The following EBAG9 variants were observed in gnomAD, a reference collection of about 807,000 sequenced individuals.
EBAG9 encodes the protein estrogen receptor binding site associated antigen 9.
A neutral mutation model predicts 30.9 loss-of-function variants in EBAG9; 16 were observed. The observed-to-expected ratio is 0.52, with a 90% CI of 0.35 to 0.79. EBAG9 has a LOEUF of 0.79. Ranked by LOEUF, EBAG9 falls within the 30% of genes least tolerant of loss-of-function variation. The pLI is 0.01. For synonymous variants in EBAG9, 93 were observed against 82.8 expected, an observed-to-expected ratio of 1.12 and a Z score of -0.67; for missense variants, 197 against 242.1, an observed-to-expected ratio of 0.81 and a Z score of 1.24.
intron 1 of EBAG9, among the ~76,000 whole-genome samples, chr8:109,549,480 T>G (rs755988507): frequency 6.6e-6 from 1 of 152,022 alleles, no homozygotes. Context: ...CCTAAGTGTT[T>G]TGTAGAATTT....
rs1282620227 is a variant in EBAG9, at chr8:109,549,383, A to G, written c.-15-1427A>G. Among the ~76,000 whole-genome samples the G allele has an allele frequency of 2.0e-5, 3 of 152,152 alleles. No homozygotes were observed. The East Asian group carries it at 5.8e-4, about 29-fold the overall frequency. Reference sequence around the variant, plus strand: ...CTAGTAATATCTTTGGATTAGTATCAGTGTAATACTGGCCTCAAATAATGA... The same window carrying G: ...CTAGTAATATCTTTGGATTAGTATCGGTGTAATACTGGCCTCAAATAATGA... On this transcript the variant is annotated intron_variant, in intron 1 of 6. Transcript: ENST00000337573.
At chr8:109,552,261 TAAAA>T (rs57058526) in intron 2 of EBAG9, among the ~76,000 whole-genome samples, 4 of 147,540 alleles carry the variant, frequency 2.7e-5, no homozygotes, top group Admixed American at 1.3e-4. Context: ...GTCTGGGATT[TAAAA>T]AAAAAAAAAA....
intron 1 of EBAG9, among the ~76,000 whole-genome samples, chr8:109,546,976 TTAAA>T (rs1429859316): frequency 2.0e-5 from 3 of 152,222 alleles, no homozygotes; most frequent in Non-Finnish European, 4.4e-5. Flanking sequence ...TTTGGAGCTA[TTAAA>T]TAAAAATAAA....
chr8:109,555,543 C>T (rs1821581821), intron 4 of EBAG9, among the ~76,000 whole-genome samples: 1 of 152,104 alleles, frequency 6.6e-6, no homozygotes, highest in South Asian at 2.1e-4. Context: ...TTCTAGACTC[C>T]AGTCTCTGCC....
rs1370384529 is a variant in EBAG9, at chr8:109,550,879, T to C, written c.55T>C (p.Phe19Leu). ...FKFCTCLATVFSFLKRLICRS... is the reference protein window; with the variant it reads ...FKFCTCLATVLSFLKRLICRS... ...ATTTTGTACCTGCCTAGCAACAGTATTCTCATTCCTAAAGAGATTAATATG... is the reference window on the plus strand; with the variant it reads ...ATTTTGTACCTGCCTAGCAACAGTACTCTCATTCCTAAAGAGATTAATATG... Residue 19 changes from phenylalanine to leucine, a missense_variant, in exon 2 of 7, where the codon TTC (phenylalanine) becomes CTC (leucine). Coordinates refer to ENST00000337573, the MANE Select transcript of EBAG9 (RefSeq NM_004215.5). The C allele has an allele frequency of 6.3e-7, 1 of 1,595,976 alleles. No individual in the cohort carries two copies. Among genetic ancestry groups the C allele is most frequent in the Admixed American group, 1.7e-5 (1 of 58,966 alleles).
At chr8:109,543,268 C>T (rs1563651985) in intron 1 of EBAG9, among the ~76,000 whole-genome samples, 1 of 144,498 alleles carries the variant, frequency 6.9e-6, no homozygotes, top group Non-Finnish European at 1.5e-5. Flanking sequence ...TCCATATGTA[C>T]AAAACTACTT....
upstream of EBAG9, chr8:109,540,170 C>G (rs1466034438): frequency 6.6e-6 from 1 of 152,432 alleles, no homozygotes; most frequent in Non-Finnish European, 1.5e-5. Context: ...GGGAGCGGGA[C>G]CCAGGCGTGC....
At chr8:109,562,924 C>G (rs940855252) in intron 6 of EBAG9, among the ~76,000 whole-genome samples, 2 of 151,932 alleles carry the variant, frequency 1.3e-5, no homozygotes, top group Admixed American at 6.6e-5. Flanking sequence ...ATTTGGGATG[C>G]TCAGCCCTTA....
At chr8:109,545,654 C>A (rs1470986635) in intron 1 of EBAG9, among the ~76,000 whole-genome samples, 1 of 152,090 alleles carries the variant, frequency 6.6e-6, no homozygotes, top group African/African-American at 2.4e-5. Context: ...TGAGCCACCG[C>A]GCCCAGCATA....
chr8:109,555,168 G>A (rs1176383854), intron 4 of EBAG9, among the ~76,000 whole-genome samples: 1 of 150,190 alleles, frequency 6.7e-6, no homozygotes, highest in East Asian at 2.0e-4. Flanking sequence ...AGTGTATGAT[G>A]TTCCCCTTCC....
Position 109,560,862 on chromosome 8 carries a change from T to C in EBAG9, c.454T>C (p.Trp152Arg). 1 of 1,613,042 alleles carries C rather than the reference T, an allele frequency of 6.2e-7. No homozygotes were observed. The highest frequency in any genetic ancestry group is 8.5e-7 in the Non-Finnish European group (1 of 1,179,414). ...QSSELGDLDT[W>R]QENTNAWEEE... is the part of the protein sequence containing the mutation. The stretch of plus-strand genomic sequence containing the variant: ...GTCTGAATTAGGTGACTTAGATACC[T>C]GGCAGGAAAATACCAATGCATGGGA... The change falls in exon 6 of 7, where the codon TGG (tryptophan) becomes CGG (arginine). Residue 152 changes from tryptophan (W) to arginine (R), a missense_variant. By Grantham distance (101) the Trp-to-Arg change is moderately radical. Transcript: ENST00000337573.
chr8:109,555,511 C>G (rs1029275134), intron 4 of EBAG9, among the ~76,000 whole-genome samples: 1 of 152,112 alleles, frequency 6.6e-6, no homozygotes, highest in Non-Finnish European at 1.5e-5. Context: ...ATATATGTAT[C>G]GAAATCCTAC....
chr8:109,544,380 A>C (rs1386874828), intron 1 of EBAG9, among the ~76,000 whole-genome samples: 1 of 152,198 alleles, frequency 6.6e-6, no homozygotes, highest in Non-Finnish European at 1.5e-5. Context: ...TAATTGTATT[A>C]ATCAAGTGTT....
chr8:109,541,396 G>A (rs1456419240), intron 1 of EBAG9, among the ~76,000 whole-genome samples: 1 of 152,050 alleles, frequency 6.6e-6, no homozygotes, highest in African/African-American at 2.4e-5. Flanking sequence ...TTGGGCTTTC[G>A]GGTCAGTCCC....
intron 1 of EBAG9, 97 bp from the exon 2 acceptor site, chr8:109,550,713 C>T: frequency 1.5e-6 from 1 of 679,102 alleles, no homozygotes; most frequent in Non-Finnish European, 2.6e-6. Context: ...TAAAAAATAT[C>T]TTAGATTTTT....
In EBAG9 at chr8:109,546,189, T is replaced by G. The variant is rs116605974; in HGVS notation, c.-15-4621T>G. ...GATTATGATGGTGTTAATGAGTTTT[T>G]AAAACAGTATTCTAACCAGAATATG... On this transcript the variant is annotated intron_variant, in intron 1 of 6. Coordinates refer to ENST00000337573, the MANE Select transcript of EBAG9 (RefSeq NM_004215.5). Among the ~76,000 whole-genome samples the G allele has an allele frequency of 9.1e-3, 1,393 of 152,358 alleles. 14 individuals carry two copies. Among genetic ancestry groups the G allele is most frequent in the African/African-American group, 0.031 (1,308 of 41,582 alleles).
chr8:109,563,609 G>A, intron 6 of EBAG9: 3 of 1,459,090 alleles, frequency 2.1e-6, no homozygotes, highest in Non-Finnish European at 2.7e-6. Context: ...TAAGTTCAGG[G>A]GGACATGTGC....
Position 109,554,893 on chromosome 8 carries a change from T to C in EBAG9, c.321+6T>C. On this transcript the variant is annotated splice_donor_region_variant and intron_variant, in intron 4 of 6. Coordinates refer to ENST00000337573, the MANE Select transcript of EBAG9 (RefSeq NM_004215.5). Reference sequence around the variant, plus strand: ...CTATTAGGAAAACTCAGAAAGTATGTTAAGATTTATGCTTTTGGAGATTAA... The same window carrying C: ...CTATTAGGAAAACTCAGAAAGTATGCTAAGATTTATGCTTTTGGAGATTAA... 2 of 1,611,750 alleles carry C rather than the reference T, an allele frequency of 1.2e-6. No homozygotes were observed. The highest frequency in any genetic ancestry group is 1.7e-6 in the Non-Finnish European group (2 of 1,178,620).
At chr8:109,554,602 G>A (rs1415994775) in intron 3 of EBAG9, 127 bp from the exon 4 acceptor site, 5 of 822,440 alleles carry the variant, frequency 6.1e-6, no homozygotes, top group Non-Finnish European at 7.5e-6. Context: ...TGAAATGTAT[G>A]TTTTCCCGTG....
Sources: allele counts gnomAD v4.1 joint callset (sites outside exome capture counted in the v4.1 genomes callset), GRCh38; gene constraint gnomAD v4.1.1; transcripts MANE v1.5; gene names NCBI Gene and HGNC (gene_info 2026-07-23, HGNC 2026-07-21).